Variants in SORCS3 observed in about 807,000 individuals in gnomAD.
SORCS3 encodes the protein VPS10 domain-containing receptor SorCS3.
In SORCS3, 57 loss-of-function variants were observed where a neutral mutation model predicts 146.3. The ratio of observed to expected loss-of-function variants is 0.39; its 90% confidence interval spans 0.31 to 0.49. The LOEUF (loss-of-function observed/expected upper bound fraction) is 0.49. SORCS3 is among the 20% of genes least tolerant of loss of function. SORCS3 has a pLI of 0.92. For synonymous variants in SORCS3, 653 were observed against 618.5 expected (o/e 1.06, Z -0.83); for missense variants, 1,341 against 1,575.5 (o/e 0.85, Z 2.52).
intron 4 of SORCS3, among the ~76,000 whole-genome samples, chr10:105,006,931 C>A (rs941701123): frequency 6.6e-6 from 1 of 152,134 alleles, no homozygotes; most frequent in Non-Finnish European, 1.5e-5. Context: ...CTGTTACTCC[C>A]AGTAGAATTA....
intron 14 of SORCS3, among the ~76,000 whole-genome samples, chr10:105,194,155 A>G (rs2119599891): frequency 6.6e-6 from 1 of 152,276 alleles, no homozygotes; most frequent in Non-Finnish European, 1.5e-5. Context: ...CCAGGTGGTC[A>G]TCTATATTTA....
chr10:104,906,029 C>T (rs185508077), intron 2 of SORCS3, among the ~76,000 whole-genome samples: 90 of 152,224 alleles, frequency 5.9e-4, no homozygotes, highest in Non-Finnish European at 4.9e-4. Flanking sequence ...TATTCATGTT[C>T]CTTCATTGGG....
chr10:104,818,118 C>T (rs1158217540), intron 1 of SORCS3, among the ~76,000 whole-genome samples: 1 of 152,182 alleles, frequency 6.6e-6, no homozygotes, highest in Non-Finnish European at 1.5e-5. Context: ...TTAGTCAGGA[C>T]ACTGCTGTGT....
intron 25 of SORCS3, among the ~76,000 whole-genome samples, chr10:105,260,048 A>T (rs74155106): frequency 0.014 from 2,182 of 152,336 alleles, 58 homozygotes; most frequent in African/African-American, 0.05. Context: ...ACAAATTTTT[A>T]AAATTATGCA....
intron 2 of SORCS3, among the ~76,000 whole-genome samples, chr10:104,914,379 CGG>C (rs1275210958): frequency 6.6e-6 from 1 of 152,088 alleles, no homozygotes; most frequent in East Asian, 1.9e-4. Context: ...AAGAGAGGAG[CGG>C]TGATTGGGAG....
intron 1 of SORCS3, among the ~76,000 whole-genome samples, chr10:104,801,214 G>A (rs1225339415): frequency 1.3e-5 from 2 of 152,152 alleles, no homozygotes; most frequent in Non-Finnish European, 2.9e-5. Flanking sequence ...TGTGAAAATG[G>A]GGGAATCAAG....
At chr10:104,982,586 A>T (rs1373816785) in intron 4 of SORCS3, among the ~76,000 whole-genome samples, 1 of 152,198 alleles carries the variant, frequency 6.6e-6, no homozygotes, top group Non-Finnish European at 1.5e-5. Context: ...TTGCATTTTT[A>T]TTAGGTCCTT....
chr10:105,200,157 A>T (rs2056566355), intron 15 of SORCS3, 41 bp downstream of exon 15: 1 of 1,512,136 alleles, frequency 6.6e-7, no homozygotes, highest in Non-Finnish European at 9.2e-7. Flanking sequence ...TTTGAGGAGG[A>T]GGAGCTAGTG....
intron 1 of SORCS3, among the ~76,000 whole-genome samples, chr10:104,796,626 A>T (rs1269121417): frequency 1.3e-5 from 2 of 152,188 alleles, no homozygotes; most frequent in African/African-American, 4.8e-5. Context: ...TTTTAAAGTC[A>T]ATTAATTATA....
intron 1 of SORCS3, among the ~76,000 whole-genome samples, chr10:104,742,204 G>A (rs909882446): frequency 6.6e-6 from 1 of 152,154 alleles, no homozygotes; most frequent in Non-Finnish European, 1.5e-5. Context: ...CTGCTGGACA[G>A]TGGCACATGC....
chr10:105,071,175 G>T (rs1001040415), intron 5 of SORCS3, among the ~76,000 whole-genome samples: 3 of 152,146 alleles, frequency 2.0e-5, no homozygotes, highest in African/African-American at 7.2e-5. Flanking sequence ...TCCTCTCTGT[G>T]CCTCCCCATG....
intron 3 of SORCS3, among the ~76,000 whole-genome samples, chr10:104,916,619 CAA>C (rs1350073683): frequency 6.6e-6 from 1 of 152,156 alleles, no homozygotes; most frequent in Admixed American, 6.5e-5. Flanking sequence ...TTTTAGAAAA[CAA>C]ATACTGCACC....
intron 2 of SORCS3, among the ~76,000 whole-genome samples, chr10:104,886,314 T>A (rs1418030799): frequency 6.6e-6 from 1 of 152,174 alleles, no homozygotes. Flanking sequence ...TAAAATTCTC[T>A]TATTTATGTG....
chr10:104,673,310 A>T lies in SORCS3; in HGVS notation c.627+31356A>T, dbSNP rs77972506. 4.9e-3 allele frequency among the ~76,000 whole-genome samples: 743 copies of T among 152,194 alleles called. 5 individuals are homozygous for T. The highest frequency in any genetic ancestry group is 0.017 in the African/African-American group (715 of 41,514). Reference sequence around the variant, plus strand: ...TGACATGTTGATATTTGTTTTCTATATATGCCTTACAGCTTTTTTGCCCCC... The same window carrying T: ...TGACATGTTGATATTTGTTTTCTATTTATGCCTTACAGCTTTTTTGCCCCC... On this transcript the variant is annotated intron_variant, in intron 1 of 26. Coordinates refer to ENST00000369701, the MANE Select transcript of SORCS3 (RefSeq NM_014978.3).
intron 3 of SORCS3, among the ~76,000 whole-genome samples, chr10:104,948,901 C>G (rs528551988): frequency 3.3e-5 from 5 of 152,242 alleles, no homozygotes. Context: ...GCCCAGCTAC[C>G]CACTAAATGT....
chr10:104,692,075 C>T (rs1236093366), intron 1 of SORCS3, among the ~76,000 whole-genome samples: 2 of 152,128 alleles, frequency 1.3e-5, no homozygotes, highest in African/African-American at 4.8e-5. Flanking sequence ...AGGTAACTGT[C>T]TATAGGCTCT....
At chr10:105,001,627 T>A (rs2055061759) in intron 4 of SORCS3, among the ~76,000 whole-genome samples, 1 of 152,204 alleles carries the variant, frequency 6.6e-6, no homozygotes. Flanking sequence ...CCTTTGAATA[T>A]ACTTGTTCTC....
intron 9 of SORCS3, among the ~76,000 whole-genome samples, chr10:105,154,429 G>A (rs1267952042): frequency 6.6e-6 from 1 of 152,210 alleles, no homozygotes; most frequent in Non-Finnish European, 1.5e-5. Flanking sequence ...CCGCCAAGGG[G>A]CCTGCTGTCA....
intron 1 of SORCS3, among the ~76,000 whole-genome samples, chr10:104,725,876 C>G (rs1208728662): frequency 2.0e-5 from 3 of 152,224 alleles, no homozygotes; most frequent in South Asian, 4.1e-4. Context: ...CTGTCTGTCA[C>G]CCGTTTCTTT....
Sources: gnomAD v4.1 joint callset for allele counts (sites outside exome capture counted in the v4.1 genomes callset) on GRCh38, gnomAD v4.1.1 for gene constraint, MANE v1.5 for transcripts, NCBI Gene and HGNC (gene_info 2026-07-23, HGNC 2026-07-21) for gene names.